Variants in NBEA observed in about 807,000 individuals in gnomAD.
The protein encoded by NBEA is neurobeachin.
Under a neutral mutation model 343.4 loss-of-function variants are expected in NBEA, and 44 were observed. The observed-to-expected ratio is 0.13, with a 90% CI of 0.10 to 0.16. The LOEUF (loss-of-function observed/expected upper bound fraction) is 0.16, where lower values mean the gene tolerates loss of function less well. Ranked by LOEUF, NBEA falls within the 10% of genes least tolerant of loss-of-function variation. The pLI is 1.00. For synonymous variants in NBEA, 1,175 were observed against 1,238.7 expected, an observed-to-expected ratio of 0.95 and a Z score of 1.08; for missense variants, 2,555 against 3,631.3, an observed-to-expected ratio of 0.70 and a Z score of 7.62.
At position 35,317,340 on chromosome 13, in the gene NBEA, G is replaced by A. The variant is rs146168682; in HGVS notation, c.5903+7748G>A. Among the ~76,000 whole-genome samples the A allele has an allele frequency of 7.6e-3, 1,163 of 152,232 alleles. 18 individuals are homozygous for A. Among genetic ancestry groups the A allele is most frequent in the African/African-American group, 0.027 (1,115 of 41,546 alleles). ...TGCCTCTGGCTAGCCAGTTTTCCCA[G>A]CACCATTTATTAAATGGGGAATCCT... On this transcript the variant is annotated intron_variant, in intron 36 of 58. Transcript: ENST00000379939.
chr13:35,410,824 A>G (rs2043537538), intron 38 of NBEA, among the ~76,000 whole-genome samples: 1 of 151,574 alleles, frequency 6.6e-6, no homozygotes, highest in Non-Finnish European at 1.5e-5. Flanking sequence ...TTTCCCATAG[A>G]AACTCTGAAA....
At chr13:35,082,792 G>A (rs2064492497) in intron 10 of NBEA, among the ~76,000 whole-genome samples, 1 of 151,914 alleles carries the variant, frequency 6.6e-6, no homozygotes, top group Admixed American at 6.6e-5. Flanking sequence ...AAATTTGTTT[G>A]AGTTCATTGT....
chr13:35,048,816 CTG>C (rs1454343220), intron 5 of NBEA, 132 bp downstream of exon 5: 3 of 500,950 alleles, frequency 6.0e-6, no homozygotes, highest in South Asian at 5.1e-5. Flanking sequence ...TGTGAAGACA[CTG>C]TAAATCAGTT....
At chr13:35,554,406 A>G (rs984315843) in intron 43 of NBEA, among the ~76,000 whole-genome samples, 8 of 152,228 alleles carry the variant, frequency 5.3e-5, no homozygotes, top group African/African-American at 9.6e-5. Flanking sequence ...ATTTGGACCA[A>G]TGATCATGGT....
At chr13:35,538,030 C>T (rs980465384) in intron 41 of NBEA, among the ~76,000 whole-genome samples, 2 of 152,204 alleles carry the variant, frequency 1.3e-5, no homozygotes, top group South Asian at 2.1e-4. Context: ...TCTGATTGGA[C>T]CAGCCAGCCA....
intron 1 of NBEA, among the ~76,000 whole-genome samples, chr13:34,946,008 A>G (rs1457161841): frequency 6.6e-6 from 1 of 152,204 alleles, no homozygotes; most frequent in Admixed American, 6.5e-5. Flanking sequence ...ATGTGATATG[A>G]TATAAAATTA....
In NBEA at chr13:35,157,155, A is replaced by T; in HGVS notation, c.2729A>T (p.Gln910Leu). 1 of 1,609,710 alleles carries T rather than the reference A, an allele frequency of 6.2e-7. No homozygotes were observed. Among genetic ancestry groups the T allele is most frequent in the Non-Finnish European group, 8.5e-7 (1 of 1,177,624 alleles). Residue 910 changes from glutamine to leucine, a missense_variant, in exon 21 of 59, where the codon CAG becomes CTG. Physicochemically the swap from Gln to Leu is moderately radical, Grantham distance 113. Around this residue, in one of 21 missense-constraint regions of NBEA, gnomAD observed 360 missense variants for 519.1 expected, o/e 0.69. Transcript: ENST00000379939. ...ATCAATCCTAAAAATTCTGAGGAAC[A>T]GAAGATTACCGAAATGGTCTACAAT... is the stretch of plus-strand genomic sequence containing the variant. ...GYINPKNSEEQKITEMVYNIF... is the reference protein window; with the variant it reads ...GYINPKNSEELKITEMVYNIF...
intron 1 of NBEA, among the ~76,000 whole-genome samples, chr13:35,022,940 A>G (rs2061898338): frequency 6.6e-6 from 1 of 151,968 alleles, no homozygotes; most frequent in Admixed American, 6.6e-5. Context: ...AGCTTTATCT[A>G]GAAGAAGATT....
intron 1 of NBEA, among the ~76,000 whole-genome samples, chr13:34,984,834 CTGTT>C (rs1165814803): frequency 9.3e-5 from 14 of 150,924 alleles, no homozygotes; most frequent in Admixed American, 6.6e-4. Context: ...ATTTGGCTCT[CTGTT>C]TGTCTGTTAT....
chr13:35,330,813 GA>G (rs1271886977), intron 36 of NBEA, among the ~76,000 whole-genome samples: 1 of 151,928 alleles, frequency 6.6e-6, no homozygotes, highest in African/African-American at 2.4e-5. Context: ...ATATAGAGGG[GA>G]AAGTCTCTAG....
chr13:35,177,222 T>G, intron 28 of NBEA, 119 bp downstream of exon 28: 1 of 695,618 alleles, frequency 1.4e-6, no homozygotes. Context: ...GATTGTTGGT[T>G]TATTGCATAC....
chr13:35,179,749 G>A (rs1307024305), intron 28 of NBEA: 3 of 983,476 alleles, frequency 3.1e-6, no homozygotes, highest in Non-Finnish European at 3.6e-6. Flanking sequence ...GAAGTATTAT[G>A]GGATATTATG....
intron 41 of NBEA, among the ~76,000 whole-genome samples, chr13:35,508,593 G>A (rs1295236835): frequency 6.6e-6 from 1 of 152,168 alleles, no homozygotes; most frequent in Non-Finnish European, 1.5e-5. Context: ...GGAGGTGAGA[G>A]AGAGGATGAC....
chr13:35,376,727 A>G (rs972278731), intron 38 of NBEA, among the ~76,000 whole-genome samples: 2 of 152,172 alleles, frequency 1.3e-5, no homozygotes, highest in Non-Finnish European at 1.5e-5. Flanking sequence ...TTAGTCTAGA[A>G]TGGAGGAGGT....
At chr13:35,509,145 C>G (rs1024718414) in intron 41 of NBEA, among the ~76,000 whole-genome samples, 1 of 152,170 alleles carries the variant, frequency 6.6e-6, no homozygotes, top group Non-Finnish European at 1.5e-5. Flanking sequence ...CTGACCGTGG[C>G]TATGGTTCTG....
Position 35,655,620 on chromosome 13 carries a change from A to C in NBEA, c.8233A>C (p.Thr2745Pro). The change falls in exon 55 of 59, where the codon ACT (threonine) becomes CCT (proline). Residue 2745 changes from threonine (T) to proline (P), a missense_variant. By Grantham distance (38) the Thr-to-Pro change is conservative. This residue lies in a region of NBEA where 186 missense variants were observed against 328.9 expected (regional missense o/e 0.57). Transcript: ENST00000379939. The stretch of plus-strand genomic sequence containing the variant: ...TGTATTTGGCCATTGGGATGTGGTC[A>C]CTTGCTTGGCCAGGTCCGAGTCATA... ...QIVFGHWDVV[T>P]CLARSESYIG... 6.2e-7 allele frequency: 1 copy of C among 1,613,918 alleles called. No individual in the cohort carries two copies. Among genetic ancestry groups the C allele is most frequent in the Non-Finnish European group, 8.5e-7 (1 of 1,179,868 alleles).
At chr13:35,643,251 C>T (rs2084055770) in intron 49 of NBEA, among the ~76,000 whole-genome samples, 1 of 152,100 alleles carries the variant, frequency 6.6e-6, no homozygotes, top group Non-Finnish European at 1.5e-5. Context: ...TATTCCCCTT[C>T]CCCTCTGTCA....
intron 40 of NBEA, among the ~76,000 whole-genome samples, chr13:35,467,310 A>T (rs960229751): frequency 6.6e-6 from 1 of 152,046 alleles, no homozygotes; most frequent in African/African-American, 2.4e-5. Context: ...CATCTCTACT[A>T]AAAATACAAA....
At chr13:35,560,564 A>G (rs1209680842) in intron 44 of NBEA, among the ~76,000 whole-genome samples, 1 of 152,174 alleles carries the variant, frequency 6.6e-6, no homozygotes, top group African/African-American at 2.4e-5. Flanking sequence ...CTTGGGATCA[A>G]CATCTGTGGG....
Sources: gnomAD v4.1 joint callset for allele counts (sites outside exome capture counted in the v4.1 genomes callset) on GRCh38, gnomAD v4.1.1 for gene constraint, gnomAD v4.1.1 regional missense constraint, MANE v1.5 for transcripts, NCBI Gene and HGNC (gene_info 2026-07-23, HGNC 2026-07-21) for gene names.